Variants in CDH13 observed in about 807,000 individuals in gnomAD.
The protein encoded by CDH13 is cadherin 13, also known as cadherin-13.
In CDH13, 24 loss-of-function variants were observed where a neutral mutation model predicts 63.8. The ratio of observed to expected loss-of-function variants is 0.38; its 90% confidence interval spans 0.27 to 0.53. The LOEUF (loss-of-function observed/expected upper bound fraction) is 0.53. Ranked by LOEUF, CDH13 falls within the 20% of genes least tolerant of loss-of-function variation. The pLI is 0.85. For missense variants in CDH13, 1,049 were observed against 903.1 expected (o/e 1.16, Z -2.07); for synonymous variants, 503 against 355.3 (o/e 1.42, Z -4.67).
At chr16:83,575,623 C>T (rs1411418797) in intron 7 of CDH13, among the ~76,000 whole-genome samples, 1 of 152,146 alleles carries the variant, frequency 6.6e-6, no homozygotes, top group Non-Finnish European at 1.5e-5. Context: ...ATTTTTTCAC[C>T]TTGCTCCATC....
chr16:83,548,274 T>C (rs1311421776), intron 7 of CDH13, among the ~76,000 whole-genome samples: 1 of 152,180 alleles, frequency 6.6e-6, no homozygotes, highest in African/African-American at 2.4e-5. Context: ...CAGGGACAGT[T>C]GTGTCTTCCA....
chr16:83,491,444 C>G (rs552106092), intron 7 of CDH13, among the ~76,000 whole-genome samples: 1 of 152,116 alleles, frequency 6.6e-6, no homozygotes, highest in Non-Finnish European at 1.5e-5. Context: ...AGGTCTCTAA[C>G]GTTTGATAAA....
intron 1 of CDH13, among the ~76,000 whole-genome samples, chr16:82,724,263 G>A (rs1053701337): frequency 6.6e-6 from 1 of 151,728 alleles, no homozygotes; most frequent in African/African-American, 2.4e-5. Context: ...ATCCATCTAT[G>A]CATCCTTCCG....
intron 3 of CDH13, among the ~76,000 whole-genome samples, chr16:83,061,634 C>A (rs994529813): frequency 6.6e-6 from 1 of 152,206 alleles, no homozygotes. Flanking sequence ...GACTGTGACA[C>A]TGAAGTGGCT....
At chr16:83,750,785 C>T in intron 11 of CDH13, among the ~76,000 whole-genome samples, 1 of 152,164 alleles carries the variant, frequency 6.6e-6, no homozygotes, top group Middle Eastern at 3.2e-3. Flanking sequence ...GGAACCAAAC[C>T]TGCAGATGCT....
At chr16:82,663,223 GTTGC>G (rs1285330201) in intron 1 of CDH13, among the ~76,000 whole-genome samples, 2 of 152,202 alleles carry the variant, frequency 1.3e-5, no homozygotes, top group Non-Finnish European at 2.9e-5. Context: ...TTTCGCTGTT[GTTGC>G]CCTGGCTGGA....
intron 5 of CDH13, among the ~76,000 whole-genome samples, chr16:83,232,615 G>C (rs958117545): frequency 6.6e-6 from 1 of 151,396 alleles, no homozygotes; most frequent in Non-Finnish European, 1.5e-5. Context: ...CCTTTGCCAT[G>C]TTATACGCCT....
At chr16:83,085,886 A>G (rs967584706) in intron 3 of CDH13, among the ~76,000 whole-genome samples, 1 of 152,226 alleles carries the variant, frequency 6.6e-6, no homozygotes, top group African/African-American at 2.4e-5. Flanking sequence ...AGAACCCTTA[A>G]TTTATTCTTT....
At chr16:83,544,287 C>T (rs1598263416) in intron 7 of CDH13, among the ~76,000 whole-genome samples, 1 of 152,272 alleles carries the variant, frequency 6.6e-6, no homozygotes, top group East Asian at 1.9e-4. Context: ...ACGATTGAGT[C>T]TGTGATTTTA....
intron 5 of CDH13, among the ~76,000 whole-genome samples, chr16:83,286,579 A>C (rs995498351): frequency 2.0e-5 from 3 of 152,026 alleles, no homozygotes; most frequent in Admixed American, 1.3e-4. Context: ...AACACAGTGA[A>C]ACCCTGTCTC....
chr16:83,747,299 G>A (rs574303724), intron 10 of CDH13, among the ~76,000 whole-genome samples: 16 of 152,134 alleles, frequency 1.1e-4, no homozygotes, highest in Non-Finnish European at 2.2e-4. Flanking sequence ...AATCATAGGG[G>A]CGGGTCTTTC....
Position 82,752,015 on chromosome 16 carries a change from T to C in CDH13, c.46-106347T>C, listed in dbSNP as rs1010188720. Among the ~76,000 whole-genome samples the C allele has an allele frequency of 5.9e-5, 9 of 152,338 alleles. No homozygotes were observed. In the East Asian group the frequency reaches 1.7e-3, roughly 29 times the overall value. On this transcript the variant is annotated intron_variant, in intron 1 of 13. Transcript: ENST00000567109. ...CAATGACCATGTCTAAGCATCTGAA[T>C]ATTCCTCTAAGAAATCAACTGACAA...
chr16:82,870,458 C>T (rs1295156820), intron 2 of CDH13, among the ~76,000 whole-genome samples: 1 of 152,078 alleles, frequency 6.6e-6, no homozygotes, highest in Non-Finnish European at 1.5e-5. Flanking sequence ...AACAGTCCCA[C>T]TGCTGGATAT....
chr16:83,184,751 T>C (rs969308306), intron 4 of CDH13, among the ~76,000 whole-genome samples: 6 of 151,976 alleles, frequency 3.9e-5, no homozygotes, highest in Non-Finnish European at 5.9e-5. Context: ...CGAGACTCCA[T>C]CTCAAAAAAG....
At position 82,862,443 on chromosome 16, in the gene CDH13, C is replaced by T. The variant is rs569704501; in HGVS notation, c.157+3970C>T. Among the ~76,000 whole-genome samples the T allele has an allele frequency of 8.5e-5, 13 of 152,308 alleles. No individual in the cohort carries two copies. In the South Asian group the frequency reaches 2.7e-3, roughly 32 times the overall value. ...AATGGAAAAATGTGTGGTCATTGAG[C>T]TCATTAGGAGAAACCATACCCTTGA... On this transcript the variant is annotated intron_variant, in intron 2 of 13. Coordinates refer to ENST00000567109, the MANE Select transcript of CDH13 (RefSeq NM_001257.5).
chr16:83,750,923 A>G (rs541569717), intron 11 of CDH13, among the ~76,000 whole-genome samples: 1 of 152,156 alleles, frequency 6.6e-6, no homozygotes, highest in Admixed American at 6.5e-5. Context: ...GTCATTACCT[A>G]TAAAGCATTT....
At chr16:83,536,182 G>C (rs4782814) in intron 7 of CDH13, among the ~76,000 whole-genome samples, 2 of 151,964 alleles carry the variant, frequency 1.3e-5, no homozygotes, top group Admixed American at 6.5e-5. Flanking sequence ...CTATGATAGC[G>C]GCTATGGGGG....
intron 1 of CDH13, among the ~76,000 whole-genome samples, chr16:82,629,707 T>C (rs1253733509): frequency 6.6e-6 from 1 of 152,246 alleles, no homozygotes; most frequent in African/African-American, 2.4e-5. Context: ...TTAGGCATTT[T>C]GGTAGGAGGT....
intron 10 of CDH13, 84 bp from the exon 11 acceptor site, chr16:83,748,024 C>G (rs1912748992): frequency 1.9e-5 from 28 of 1,452,876 alleles, no homozygotes; most frequent in South Asian, 1.3e-4. Flanking sequence ...AGCACCTAGC[C>G]TAGGAGCTCA....
Sources: allele counts gnomAD v4.1 joint callset (sites outside exome capture counted in the v4.1 genomes callset), GRCh38; gene constraint gnomAD v4.1.1; transcripts MANE v1.5; gene names NCBI Gene and HGNC (gene_info 2026-07-23, HGNC 2026-07-21).